The following CFTR variants were observed in gnomAD, a reference collection of about 807,000 sequenced individuals.
CFTR encodes CF transmembrane conductance regulator, also known as cystic fibrosis transmembrane conductance regulator.
A neutral mutation model predicts 171.6 loss-of-function variants in CFTR; 181 were observed. The observed-to-expected ratio is 1.05, with a 90% confidence interval of 0.93 to 1.19. The LOEUF is 1.19. CFTR is among the 50% of genes most tolerant of loss of function. The probability of loss-of-function intolerance (pLI) is 0.00; values close to 1 mark genes in which losing one functional copy is unlikely to be tolerated. For missense variants in CFTR, 1,968 were observed against 1,734.7 expected, an observed-to-expected ratio of 1.13 and a Z score of -2.39; for synonymous variants, 583 against 608.0, an observed-to-expected ratio of 0.96 and a Z score of 0.60.
intron 7 of CFTR, among the ~76,000 whole-genome samples, chr7:117,539,604 A>T (rs995925914): frequency 1.3e-5 from 2 of 152,098 alleles, no homozygotes; most frequent in African/African-American, 4.8e-5. Flanking sequence ...CTCAAAGCCA[A>T]GTTAGAATTT....
intron 3 of CFTR, among the ~76,000 whole-genome samples, chr7:117,520,626 A>G (rs1291376159): frequency 6.6e-6 from 1 of 151,966 alleles, no homozygotes; most frequent in South Asian, 2.1e-4. Flanking sequence ...CTTTTGAGAT[A>G]AATCAGTCTA....
chr7:117,535,111 A>G, intron 5 of CFTR, 137 bp from the exon 6 acceptor site: 2 of 881,506 alleles, frequency 2.3e-6, no homozygotes, highest in Non-Finnish European at 3.8e-6. Flanking sequence ...ATGATTACCT[A>G]GATTTTAGTG....
intron 23 of CFTR, among the ~76,000 whole-genome samples, chr7:117,644,143 A>G (rs1010717428): frequency 1.8e-4 from 27 of 152,050 alleles, no homozygotes; most frequent in Non-Finnish European, 2.5e-4. Flanking sequence ...ATTCCTTCAG[A>G]AATGCTGGAT....
chr7:117,664,761 T>A lies in CFTR; in HGVS notation c.4037T>A (p.Leu1346Gln), dbSNP rs1313341594. Reference sequence around the variant, plus strand: ...GTCCTTGTGGATGGGGGCTGTGTCCTAAGCCATGGCCACAAGCAGTTGATG... The same window carrying A: ...GTCCTTGTGGATGGGGGCTGTGTCCAAAGCCATGGCCACAAGCAGTTGATG... ...DFVLVDGGCV[L>Q]SHGHKQLMCL... The change falls in exon 25 of 27, where the codon CTA becomes CAA. Residue 1346 changes from leucine (L) to glutamine (Q), a missense_variant. Transcript: ENST00000003084. 1.2e-6 allele frequency: 2 copies of A among 1,613,894 alleles called. No individual in the cohort carries two copies. The highest frequency in any genetic ancestry group is 3.3e-5 in the Admixed American group (2 of 59,992).
chr7:117,496,695 G>A (rs1798246227), intron 1 of CFTR, among the ~76,000 whole-genome samples: 1 of 152,156 alleles, frequency 6.6e-6, no homozygotes, highest in Admixed American at 6.5e-5. Context: ...ATACCTACGA[G>A]TGTAATGGAT....
At chr7:117,480,978 G>A (rs2116605976) in intron 1 of CFTR, among the ~76,000 whole-genome samples, 1 of 152,342 alleles carries the variant, frequency 6.6e-6, no homozygotes, top group East Asian at 1.9e-4. Flanking sequence ...TTATACTGGT[G>A]TGAATGAATG....
At chr7:117,587,879 A>C in intron 12 of CFTR, 46 bp downstream of exon 12, 5 of 1,142,814 alleles carry the variant, frequency 4.4e-6, no homozygotes, top group African/African-American at 1.5e-5. Flanking sequence ...TGTAAATGTC[A>C]TTCATGTAAA....
intron 3 of CFTR, among the ~76,000 whole-genome samples, chr7:117,518,565 A>G (rs1798636261): frequency 7.2e-6 from 1 of 138,524 alleles, no homozygotes; most frequent in Non-Finnish European, 1.5e-5. Flanking sequence ...AACATATATA[A>G]AAACATATAT....
chr7:117,616,704 T>C (rs35916162), intron 21 of CFTR, among the ~76,000 whole-genome samples: 5,564 of 152,226 alleles, frequency 0.037, 141 homozygotes, highest in African/African-American at 0.047. Context: ...TCTTGTGGCA[T>C]TGAAGGATCT....
chr7:117,531,071 G>C lies in CFTR; in HGVS notation c.446G>C (p.Gly149Ala). 2 of 1,613,690 alleles carry C rather than the reference G, an allele frequency of 1.2e-6. No homozygotes were observed. Among genetic ancestry groups the C allele is most frequent in the Non-Finnish European group, 1.7e-6 (2 of 1,179,818 alleles). ...HPAIFGLHHI[G>A]MQMRIAMFSL... is the part of the protein sequence containing the mutation. ...GCCATTTTTGGCCTTCATCACATTG[G>C]AATGCAGATGAGAATAGCTATGTTT... The change falls in exon 4 of 27, where the codon GGA becomes GCA. Residue 149 changes from glycine (G) to alanine (A), a missense_variant. Gly to Ala is a moderately conservative substitution (Grantham distance 60). Coordinates refer to ENST00000003084, the MANE Select transcript of CFTR (RefSeq NM_000492.4).
rs114402068 is a variant in CFTR, at chr7:117,666,903, C to G, written c.4243-5C>G. The G allele has an allele frequency of 2.5e-6, 4 of 1,613,870 alleles. No homozygotes were observed. Among genetic ancestry groups the G allele is most frequent in the Admixed American group, 3.3e-5 (2 of 59,974 alleles). On this transcript the variant is annotated splice_polypyrimidine_tract_variant and splice_region_variant and intron_variant, in intron 26 of 26. Coordinates refer to ENST00000003084, the MANE Select transcript of CFTR (RefSeq NM_000492.4). ...CCCAGATCTCACTAACAGCCATTTCCCTAGGTCATAGAAGAGAACAAAGTG... is the reference window on the plus strand; with the variant it reads ...CCCAGATCTCACTAACAGCCATTTCGCTAGGTCATAGAAGAGAACAAAGTG...
intron 1 of CFTR, among the ~76,000 whole-genome samples, chr7:117,482,898 T>C (rs1798019865): frequency 6.6e-6 from 1 of 152,230 alleles, no homozygotes; most frequent in African/African-American, 2.4e-5. Context: ...TCTAGGTCTA[T>C]ACTGAGGAAC....
chr7:117,491,963 C>T (rs1416337580), intron 1 of CFTR, among the ~76,000 whole-genome samples: 1 of 151,872 alleles, frequency 6.6e-6, no homozygotes, highest in African/African-American at 2.4e-5. Context: ...CCATATATAC[C>T]TCATGTATAG....
In CFTR at chr7:117,665,726, T is replaced by TC. The variant is rs1194622395; in HGVS notation, c.4242+163dup. On this transcript the variant is annotated intron_variant, in intron 26 of 26. Transcript: ENST00000003084. ...TACTCAAAATAGCTGCACAAGTTTTTCACTTTGATCTGAGCCATGTGGTGA... is the reference window on the plus strand; with the variant it reads ...TACTCAAAATAGCTGCACAAGTTTTTCCACTTTGATCTGAGCCATGTGGTGA... Among the ~76,000 whole-genome samples, 6 of 152,242 alleles carry TC rather than the reference T, an allele frequency of 3.9e-5. No individual in the cohort carries two copies. Among genetic ancestry groups the TC allele is most frequent in the Non-Finnish European group, 7.3e-5 (5 of 68,036 alleles).
At chr7:117,500,879 A>G (rs752593579) in intron 1 of CFTR, among the ~76,000 whole-genome samples, 9 of 152,220 alleles carry the variant, frequency 5.9e-5, no homozygotes, top group Non-Finnish European at 1.3e-4. Context: ...TTGCTAATCA[A>G]AACGATGTGT....
Position 117,665,529 on chromosome 7 carries a change from A to G in CFTR, c.4207A>G (p.Arg1403Gly), listed in dbSNP as rs970498675. ...ADCTVILCEHRIEAMLECQQF... is the reference protein window; with the variant it reads ...ADCTVILCEHGIEAMLECQQF... ...TTGCACAGTAATTCTCTGTGAACACAGGATAGAAGCAATGCTGGAATGCCA... is the reference window on the plus strand; with the variant it reads ...TTGCACAGTAATTCTCTGTGAACACGGGATAGAAGCAATGCTGGAATGCCA... Residue 1403 changes from arginine (R) to glycine (G), a missense_variant, in exon 26 of 27, where the codon AGG becomes GGG. Transcript: ENST00000003084. 2.5e-6 allele frequency: 4 copies of G among 1,613,052 alleles called. No individual in the cohort carries two copies. The Admixed American group carries it at 6.7e-5, about 27-fold the overall frequency.
chr7:117,653,429 G>A (rs1490026327), intron 24 of CFTR, among the ~76,000 whole-genome samples: 2 of 152,094 alleles, frequency 1.3e-5, no homozygotes, highest in African/African-American at 4.8e-5. Context: ...CATACTTCCT[G>A]GTTCATTGAT....
chr7:117,541,084 C>G (rs1799045135), intron 8 of CFTR, among the ~76,000 whole-genome samples: 1 of 152,202 alleles, frequency 6.6e-6, no homozygotes, highest in Non-Finnish European at 1.5e-5. Flanking sequence ...TCATCATGCT[C>G]TCTTCTCAGT....
At chr7:117,612,033 A>ATATG (rs1554392403) in intron 20 of CFTR, among the ~76,000 whole-genome samples, 6 of 75,308 alleles carry the variant, frequency 8.0e-5, no homozygotes, top group East Asian at 2.7e-4. Flanking sequence ...GTATATATAT[A>ATATG]TATATATATA....
Sources: allele counts gnomAD v4.1 joint callset (sites outside exome capture counted in the v4.1 genomes callset), GRCh38; gene constraint gnomAD v4.1.1; transcripts MANE v1.5; gene names NCBI Gene and HGNC (gene_info 2026-07-23, HGNC 2026-07-21).